MDGA2: variants seen among roughly 807,000 people sequenced by gnomAD.
The protein encoded by MDGA2 is MAM domain containing glycosylphosphatidylinositol anchor 2.
In MDGA2, 40 loss-of-function variants were observed where a neutral mutation model predicts 117.8. The ratio of observed to expected loss-of-function variants is 0.34; its 90% CI spans 0.26 to 0.44. The LOEUF is 0.44. Ranked by LOEUF, MDGA2 falls within the 20% of genes least tolerant of loss-of-function variation. MDGA2 has a pLI of 1.00. For synonymous variants in MDGA2, 452 were observed against 439.0 expected, an observed-to-expected ratio of 1.03 and a Z score of -0.37; for missense variants, 1,123 against 1,250.6, an observed-to-expected ratio of 0.90 and a Z score of 1.54.
At chr14:47,250,609 G>A (rs771559798) in intron 2 of MDGA2, among the ~76,000 whole-genome samples, 2 of 152,114 alleles carry the variant, frequency 1.3e-5, no homozygotes, top group Admixed American at 6.5e-5. Flanking sequence ...GAGGACAGTG[G>A]GCCCTCACCA....
chr14:47,297,754 C>A (rs1889127392), intron 2 of MDGA2, among the ~76,000 whole-genome samples: 1 of 152,068 alleles, frequency 6.6e-6, no homozygotes, highest in African/African-American at 2.4e-5. Context: ...AAAGGCTATG[C>A]AGAGCAATAA....
At position 46,920,178 on chromosome 14, in the gene MDGA2, G is replaced by T; in HGVS notation, c.2090-18C>A. On this transcript the variant is annotated intron_variant, in intron 9 of 16. Coordinates refer to ENST00000399232, the MANE Select transcript of MDGA2 (RefSeq NM_001113498.3). ...GGCCTTTCCTGAAAACAGAAAGTGTGCTTAAATTTGAATGATGACATATTG... is the reference window on the plus strand; with the variant it reads ...GGCCTTTCCTGAAAACAGAAAGTGTTCTTAAATTTGAATGATGACATATTG... 6.2e-7 allele frequency: 1 copy of T among 1,602,478 alleles called. No individual in the cohort carries two copies. The highest frequency in any genetic ancestry group is 8.5e-7 in the Non-Finnish European group (1 of 1,175,904).
intron 8 of MDGA2, among the ~76,000 whole-genome samples, chr14:46,979,494 T>G (rs1245948692): frequency 6.6e-6 from 1 of 152,182 alleles, no homozygotes; most frequent in Non-Finnish European, 1.5e-5. Context: ...CTAAGCCTTT[T>G]GCTCCAAATC....
intron 3 of MDGA2, among the ~76,000 whole-genome samples, chr14:47,168,650 G>A (rs1299199543): frequency 6.6e-6 from 1 of 152,038 alleles, no homozygotes; most frequent in Non-Finnish European, 1.5e-5. Flanking sequence ...TAGAAACAAA[G>A]ATAAGCTGAA....
At chr14:47,074,647 G>A (rs1890425009) in intron 6 of MDGA2, among the ~76,000 whole-genome samples, 1 of 152,202 alleles carries the variant, frequency 6.6e-6, no homozygotes, top group Non-Finnish European at 1.5e-5. Context: ...AGGAGCAGCA[G>A]CTCAGTCCAA....
chr14:47,322,532 G>A (rs975192912), intron 1 of MDGA2, among the ~76,000 whole-genome samples: 1 of 152,118 alleles, frequency 6.6e-6, no homozygotes, highest in African/African-American at 2.4e-5. Context: ...GACCCTGGAA[G>A]AACAGAGCTC....
intron 5 of MDGA2, among the ~76,000 whole-genome samples, chr14:47,127,999 T>C (rs1332937190): frequency 1.3e-5 from 2 of 152,184 alleles, no homozygotes; most frequent in Non-Finnish European, 1.5e-5. Context: ...GTCAGTCTCC[T>C]ATTTAGAATA....
chr14:47,560,351 G>A (rs187952727), intron 1 of MDGA2, among the ~76,000 whole-genome samples: 4 of 152,104 alleles, frequency 2.6e-5, no homozygotes, highest in South Asian at 2.1e-4. Context: ...GATTACAGGC[G>A]TTAGCCACCG....
At chr14:47,400,967 C>T (rs1177860736) in intron 1 of MDGA2, among the ~76,000 whole-genome samples, 1 of 151,132 alleles carries the variant, frequency 6.6e-6, no homozygotes, top group Non-Finnish European at 1.5e-5. Flanking sequence ...CCGTGTTAGC[C>T]AGGATGGTCT....
chr14:47,198,521 G>A (rs1460646396), intron 3 of MDGA2, among the ~76,000 whole-genome samples: 1 of 152,166 alleles, frequency 6.6e-6, no homozygotes, highest in Admixed American at 6.5e-5. Flanking sequence ...GCAGTGAGCG[G>A]GGATTGTGCC....
In MDGA2 at chr14:47,454,647, G is replaced by A. The variant is rs1375252542; in HGVS notation, c.281-153097C>T. On this transcript the variant is annotated intron_variant, in intron 1 of 16. Transcript: ENST00000399232. ...CTCTGAGCTTATAATAATTTCTCAG[G>A]TTTAACAGTGGTGGTGTCTTGATAA... Among the ~76,000 whole-genome samples the A allele has an allele frequency of 3.9e-5, 6 of 152,034 alleles. No homozygotes were observed. The South Asian group carries it at 1.0e-3, about 26-fold the overall frequency.
chr14:47,084,062 T>C (rs1282294226), intron 6 of MDGA2, among the ~76,000 whole-genome samples: 1 of 152,122 alleles, frequency 6.6e-6, no homozygotes, highest in African/African-American at 2.4e-5. Context: ...ACTCAACTAA[T>C]AGTATCAAAT....
intron 14 of MDGA2, among the ~76,000 whole-genome samples, chr14:46,864,540 T>C (rs996941247): frequency 8.9e-6 from 1 of 111,802 alleles, no homozygotes; most frequent in Admixed American, 9.7e-5. Flanking sequence ...TTTGCAGATA[T>C]TGCTGTTTTT....
At chr14:46,875,307 T>C (rs1391062822) in intron 12 of MDGA2, among the ~76,000 whole-genome samples, 1 of 151,756 alleles carries the variant, frequency 6.6e-6, no homozygotes, top group African/African-American at 2.4e-5. Flanking sequence ...CCTGAATTAA[T>C]TGAAAATTTT....
intron 2 of MDGA2, among the ~76,000 whole-genome samples, chr14:47,300,555 T>C (rs1889242527): frequency 6.6e-6 from 1 of 152,070 alleles, no homozygotes; most frequent in African/African-American, 2.4e-5. Flanking sequence ...GGTGGTACAA[T>C]CATGACAACC....
chr14:47,223,125 T>C (rs946302073), intron 2 of MDGA2, among the ~76,000 whole-genome samples: 6 of 152,142 alleles, frequency 3.9e-5, no homozygotes, highest in Non-Finnish European at 7.4e-5. Flanking sequence ...GTGAGACTTA[T>C]TCACTACCAC....
At chr14:47,209,256 C>T (rs998953363) in intron 3 of MDGA2, among the ~76,000 whole-genome samples, 5 of 152,096 alleles carry the variant, frequency 3.3e-5, no homozygotes, top group African/African-American at 1.2e-4. Flanking sequence ...TTATCTCTCA[C>T]CAGTAGTTCG....
intron 8 of MDGA2, among the ~76,000 whole-genome samples, chr14:47,023,197 G>GCAAAAAAAAAAAAAAAA (rs1435992503): frequency 5.7e-5 from 4 of 69,598 alleles, no homozygotes; most frequent in Admixed American, 1.6e-4. Flanking sequence ...ATTCCCACTC[G>GCAAAAAAAAAAAAAAAA]TAAAAAAAAA....
At chr14:47,422,056 C>T (rs1892591668) in intron 1 of MDGA2, among the ~76,000 whole-genome samples, 1 of 151,966 alleles carries the variant, frequency 6.6e-6, no homozygotes, top group African/African-American at 2.4e-5. Flanking sequence ...TAGAAGTGTG[C>T]TATGGCATAG....
Sources: allele counts gnomAD v4.1 joint callset (sites outside exome capture counted in the v4.1 genomes callset), GRCh38; gene constraint gnomAD v4.1.1; transcripts MANE v1.5; gene names NCBI Gene and HGNC (gene_info 2026-07-23, HGNC 2026-07-21).